The following HERC4 variants were observed in gnomAD, a reference collection of about 807,000 sequenced individuals.
HERC4 encodes the protein probable E3 ubiquitin-protein ligase HERC4.
Under a neutral mutation model 124.3 loss-of-function variants are expected in HERC4, and 28 were observed. The ratio of observed to expected loss-of-function variants is 0.23; its 90% CI spans 0.17 to 0.31. The LOEUF is 0.31. Ranked by LOEUF, HERC4 falls within the 10% of genes least tolerant of loss-of-function variation. The pLI, the probability that HERC4 is intolerant of heterozygous loss-of-function variation, is 1.00. For missense variants in HERC4, 713 were observed against 1,229.3 expected, an observed-to-expected ratio of 0.58 and a Z score of 6.28; for synonymous variants, 407 against 421.5, an observed-to-expected ratio of 0.97 and a Z score of 0.42.
intron 9 of HERC4, among the ~76,000 whole-genome samples, chr10:67,998,793 C>G (rs1053958279): frequency 6.6e-6 from 1 of 152,082 alleles, no homozygotes; most frequent in Non-Finnish European, 1.5e-5. Flanking sequence ...GGCTTAAGTG[C>G]AATGGTGCAA....
chr10:67,973,570 T>G (rs964296982), intron 15 of HERC4, among the ~76,000 whole-genome samples: 1 of 152,210 alleles, frequency 6.6e-6, no homozygotes, highest in South Asian at 2.1e-4. Flanking sequence ...TTTATGAATA[T>G]TATTCGGCTG....
At chr10:67,993,373 C>G (rs113335054) in intron 9 of HERC4, 1 of 150,860 alleles carries the variant, frequency 6.6e-6, no homozygotes, top group Non-Finnish European at 1.5e-5. Flanking sequence ...AAGAATTGAA[C>G]TGGGCTACAG....
intron 15 of HERC4, among the ~76,000 whole-genome samples, chr10:67,977,563 G>A (rs996954293): frequency 1.3e-5 from 2 of 152,050 alleles, no homozygotes; most frequent in Non-Finnish European, 2.9e-5. Context: ...TTGTACCTTG[G>A]GTACCAGCTC....
At chr10:68,068,619 C>T (rs959416589) in intron 3 of HERC4, 1 of 152,140 alleles carries the variant, frequency 6.6e-6, no homozygotes, top group African/African-American at 2.4e-5. Context: ...ATTATCACGC[C>T]ACTGCACTCT....
intron 16 of HERC4, chr10:67,959,198 A>T (rs925404808): frequency 1.4e-6 from 2 of 1,434,490 alleles, no homozygotes; most frequent in East Asian, 4.8e-5. Flanking sequence ...GTCCAAATTT[A>T]ACTATTTCTA....
chr10:68,013,706 G>A (rs891649488), intron 9 of HERC4, among the ~76,000 whole-genome samples: 16 of 152,012 alleles, frequency 1.1e-4, no homozygotes, highest in African/African-American at 4.8e-5. Context: ...AAATGGTTAC[G>A]TCTGTAAATT....
chr10:67,955,019 C>A lies in HERC4; in HGVS notation c.2137G>T (p.Asp713Tyr). 6.2e-7 allele frequency: 1 copy of A among 1,600,504 alleles called. No individual in the cohort carries two copies. The highest frequency in any genetic ancestry group is 8.5e-7 in the Non-Finnish European group (1 of 1,175,358). ...LVVRRENIVG[D>Y]AMEVLRKTKN... ...GTTTTCCTAAGGACTTCCATTGCAT[C>A]TCCTACAATATTTTCTCTACGCACC... The change falls in exon 18 of 25, where the codon GAT becomes TAT. Residue 713 changes from aspartate (D) to tyrosine (Y), a missense_variant. Coordinates refer to ENST00000373700, the MANE Select transcript of HERC4 (RefSeq NM_015601.4).
At chr10:67,971,663 C>A (rs2035242374) in intron 15 of HERC4, among the ~76,000 whole-genome samples, 2 of 148,670 alleles carry the variant, frequency 1.3e-5, no homozygotes, top group Admixed American at 6.7e-5. Context: ...ACCACCCCCA[C>A]CCCCCACCGA....
intron 3 of HERC4, among the ~76,000 whole-genome samples, chr10:68,044,901 TAA>T (rs1359724416): frequency 1.3e-5 from 2 of 151,630 alleles, no homozygotes; most frequent in Admixed American, 6.6e-5. Flanking sequence ...CTATTACTAA[TAA>T]AAGAGTCCAG....
At chr10:67,981,867 G>C (rs892996412) in intron 15 of HERC4, among the ~76,000 whole-genome samples, 25 of 152,116 alleles carry the variant, frequency 1.6e-4, no homozygotes, top group South Asian at 2.1e-4. Context: ...CTTGAATCGG[G>C]GGGGTGGAGG....
At chr10:67,998,646 TCA>T (rs1468366190) in intron 9 of HERC4, among the ~76,000 whole-genome samples, 1 of 152,092 alleles carries the variant, frequency 6.6e-6, no homozygotes, top group Admixed American at 6.5e-5. Flanking sequence ...GCTCTAATTC[TCA>T]CTTATGCCAG....
In HERC4 at chr10:68,044,473, T is replaced by C. The variant is rs201846926; in HGVS notation, c.317A>G (p.Tyr106Cys). The C allele has an allele frequency of 2.5e-6, 4 of 1,614,002 alleles. No individual in the cohort carries two copies. Among genetic ancestry groups the C allele is most frequent in the Non-Finnish European group, 3.4e-6 (4 of 1,180,028 alleles). The change falls in exon 4 of 25, where the codon TAT becomes TGT. Residue 106 changes from tyrosine (Y) to cysteine (C), a missense_variant. Physicochemically the swap from Tyr to Cys is radical, Grantham distance 194. Coordinates refer to ENST00000373700, the MANE Select transcript of HERC4 (RefSeq NM_015601.4). ...TLALNDKGQV[Y>C]AWGLDSDGQL... ...TCCATCAGAATCGAGACCCCAAGCA[T>C]ACACCTGGCCTTTGTCATTTAGCGC... is the stretch of plus-strand genomic sequence containing the variant.
chr10:68,030,755 T>C (rs1236633840), intron 7 of HERC4, among the ~76,000 whole-genome samples: 1 of 152,226 alleles, frequency 6.6e-6, no homozygotes, highest in African/African-American at 2.4e-5. Context: ...GTGGGACTGC[T>C]ACATCAAAAT....
chr10:67,980,739 G>A (rs2035881167), intron 15 of HERC4, among the ~76,000 whole-genome samples: 1 of 151,854 alleles, frequency 6.6e-6, no homozygotes, highest in African/African-American at 2.4e-5. Context: ...ACAACAAAAA[G>A]TTAAAAAGCA....
intron 8 of HERC4, among the ~76,000 whole-genome samples, chr10:68,021,970 A>G (rs2038651787): frequency 6.6e-6 from 1 of 152,252 alleles, no homozygotes; most frequent in African/African-American, 2.4e-5. Context: ...AAATCTACAC[A>G]CAAAAATTAG....
intron 19 of HERC4, among the ~76,000 whole-genome samples, chr10:67,950,526 T>C (rs1281842691): frequency 6.6e-6 from 1 of 152,080 alleles, no homozygotes; most frequent in Non-Finnish European, 1.5e-5. Context: ...TCCAACCACC[T>C]CGGCCTCCCA....
intron 19 of HERC4, among the ~76,000 whole-genome samples, chr10:67,948,398 T>C (rs1011629448): frequency 7.3e-5 from 11 of 150,710 alleles, no homozygotes; most frequent in Admixed American, 7.3e-4. Context: ...GATATACAAA[T>C]GGCAAAAAGA....
At chr10:68,073,322 C>A in intron 2 of HERC4, 136 bp from the exon 3 acceptor site, 1 of 460,428 alleles carries the variant, frequency 2.2e-6, no homozygotes, top group Non-Finnish European at 3.8e-6. Flanking sequence ...AAGTATCATT[C>A]AGTTTCAAAA....
chr10:67,972,195 C>T (rs970117691), intron 15 of HERC4, among the ~76,000 whole-genome samples: 1 of 124,444 alleles, frequency 8.0e-6, no homozygotes, highest in Non-Finnish European at 1.6e-5. Flanking sequence ...GTCTGGGTGA[C>T]AGGAGTGAAG....
Sources: allele counts gnomAD v4.1 joint callset (sites outside exome capture counted in the v4.1 genomes callset), GRCh38; gene constraint gnomAD v4.1.1; transcripts MANE v1.5; gene names NCBI Gene and HGNC (gene_info 2026-07-23, HGNC 2026-07-21).